Variants in CDH13 observed in about 807,000 individuals in gnomAD.
The protein encoded by CDH13 is cadherin 13.
In CDH13, 24 loss-of-function variants were observed where a neutral mutation model predicts 63.8. The ratio of observed to expected loss-of-function variants is 0.38; its 90% CI spans 0.27 to 0.53. The LOEUF (loss-of-function observed/expected upper bound fraction) is 0.53, where lower values mean the gene tolerates loss of function less well. CDH13 is among the 20% of genes least tolerant of loss of function. CDH13 has a pLI of 0.85. For synonymous variants in CDH13, 503 were observed against 355.3 expected, an observed-to-expected ratio of 1.42 and a Z score of -4.67; for missense variants, 1,049 against 903.1, an observed-to-expected ratio of 1.16 and a Z score of -2.07.
At chr16:83,399,660 T>A (rs2091938493) in intron 6 of CDH13, among the ~76,000 whole-genome samples, 1 of 152,194 alleles carries the variant, frequency 6.6e-6, no homozygotes, top group African/African-American at 2.4e-5. Context: ...GCCATGCAGC[T>A]TTCTCCTTGT....
intron 2 of CDH13, among the ~76,000 whole-genome samples, chr16:82,917,978 A>T (rs1370329469): frequency 6.6e-6 from 1 of 151,674 alleles, no homozygotes; most frequent in Non-Finnish European, 1.5e-5. Flanking sequence ...AGCATCCATG[A>T]CCCATCACAA....
At chr16:83,588,839 G>A (rs189878278) in intron 7 of CDH13, among the ~76,000 whole-genome samples, 16 of 152,354 alleles carry the variant, frequency 1.1e-4, no homozygotes, top group Admixed American at 5.9e-4. Context: ...AAGCTGGCAG[G>A]TGGGCGAGGA....
intron 4 of CDH13, among the ~76,000 whole-genome samples, chr16:83,216,427 T>TAAATATATATATATAA (rs1555513891): frequency 2.2e-5 from 1 of 45,056 alleles, no homozygotes; most frequent in Admixed American, 3.8e-4. Context: ...TATATATATA[T>TAAATATATATATATAA]ATATATATAT....
intron 1 of CDH13, among the ~76,000 whole-genome samples, chr16:82,761,013 C>CTTTTTTT (rs2034818823): frequency 2.3e-5 from 1 of 43,576 alleles, no homozygotes; most frequent in African/African-American, 6.4e-5. Flanking sequence ...ACATTTCTTT[C>CTTTTTTT]TTTCTTTTTT....
intron 5 of CDH13, among the ~76,000 whole-genome samples, chr16:83,266,257 A>G (rs1907611126): frequency 1.3e-5 from 2 of 152,118 alleles, no homozygotes; most frequent in Non-Finnish European, 2.9e-5. Context: ...TTGCCTTACC[A>G]TTTGTGCAGG....
At chr16:83,600,907 A>G (rs1041636603) in intron 7 of CDH13, among the ~76,000 whole-genome samples, 20 of 152,186 alleles carry the variant, frequency 1.3e-4, no homozygotes, top group African/African-American at 4.8e-4. Context: ...CTCTTAGGAT[A>G]TTGCCTTTGT....
intron 4 of CDH13, among the ~76,000 whole-genome samples, chr16:83,164,219 G>T (rs28671263): frequency 1.3e-5 from 2 of 151,882 alleles, no homozygotes; most frequent in Admixed American, 6.6e-5. Context: ...ACCTGTAGAA[G>T]TAGGCATGAT....
At chr16:82,851,359 C>T (rs2039474224) in intron 1 of CDH13, among the ~76,000 whole-genome samples, 1 of 150,436 alleles carries the variant, frequency 6.6e-6, no homozygotes, top group African/African-American at 2.4e-5. Flanking sequence ...TGCTTGAACC[C>T]TGGAGGCGGA....
Position 83,570,367 on chromosome 16 carries a change from C to T in CDH13, c.961-32087C>T, listed in dbSNP as rs536985912. 3.9e-5 allele frequency among the ~76,000 whole-genome samples: 6 copies of T among 152,256 alleles called. No individual in the cohort carries two copies. The South Asian group carries it at 1.2e-3, about 32-fold the overall frequency. Reference sequence around the variant, plus strand: ...CTCTCACACCTGGTCTCTGATGACACTTGTCTCGGATGTGACTCTGTGTCT... The same window carrying T: ...CTCTCACACCTGGTCTCTGATGACATTTGTCTCGGATGTGACTCTGTGTCT... On this transcript the variant is annotated intron_variant, in intron 7 of 13. Coordinates refer to ENST00000567109, the MANE Select transcript of CDH13 (RefSeq NM_001257.5).
chr16:83,540,243 C>G (rs2075274780), intron 7 of CDH13, among the ~76,000 whole-genome samples: 1 of 151,880 alleles, frequency 6.6e-6, no homozygotes, highest in South Asian at 2.1e-4. Context: ...ACTCAGTATA[C>G]CACTGGAGGC....
chr16:83,740,515 A>G (rs1911961410), intron 10 of CDH13, among the ~76,000 whole-genome samples: 2 of 152,156 alleles, frequency 1.3e-5, no homozygotes, highest in Admixed American at 6.5e-5. Flanking sequence ...GGCATGATAT[A>G]TATTACTTGT....
At chr16:83,629,528 A>C (rs974298783) in intron 8 of CDH13, among the ~76,000 whole-genome samples, 4 of 152,232 alleles carry the variant, frequency 2.6e-5, no homozygotes, top group African/African-American at 9.6e-5. Context: ...ACTTTATTAA[A>C]ATGAATGAAC....
chr16:82,963,893 G>A (rs143272314), intron 2 of CDH13, among the ~76,000 whole-genome samples: 68 of 152,260 alleles, frequency 4.5e-4, no homozygotes, highest in African/African-American at 1.4e-3. Flanking sequence ...AAGCCAGGTC[G>A]GAGAATAGAG....
intron 8 of CDH13, among the ~76,000 whole-genome samples, chr16:83,662,531 G>T (rs191545817): frequency 6.6e-6 from 1 of 152,220 alleles, no homozygotes; most frequent in African/African-American, 2.4e-5. Context: ...AAACAGTGCA[G>T]AATCGGGGCG....
intron 9 of CDH13, 116 bp from the exon 10 acceptor site, chr16:83,678,092 C>A: frequency 2.0e-6 from 2 of 1,022,824 alleles, no homozygotes; most frequent in Non-Finnish European, 2.9e-6. Context: ...GCCTCCAAAG[C>A]CCAGCTCCAT....
chr16:82,892,971 C>T (rs1017701059), intron 2 of CDH13, among the ~76,000 whole-genome samples: 1 of 152,130 alleles, frequency 6.6e-6, no homozygotes, highest in Admixed American at 6.5e-5. Context: ...AAAATTGTGA[C>T]CTGTGAACGG....
Position 82,795,388 on chromosome 16 carries a change from C to T in CDH13, c.46-62974C>T, listed in dbSNP as rs117334798. Among the ~76,000 whole-genome samples the T allele has an allele frequency of 2.8e-4, 43 of 152,262 alleles. No homozygotes were observed. In the East Asian group the frequency reaches 4.3e-3, roughly 15 times the overall value. ...AGGAGAGGCACAGCAAGGTGAGAAGCTTCAAAAGGCAGTCAGCCAATGCAT... is the reference window on the plus strand; with the variant it reads ...AGGAGAGGCACAGCAAGGTGAGAAGTTTCAAAAGGCAGTCAGCCAATGCAT... On this transcript the variant is annotated intron_variant, in intron 1 of 13. Transcript: ENST00000567109.
At chr16:83,685,454 G>A (rs1904297572) in intron 10 of CDH13, among the ~76,000 whole-genome samples, 1 of 152,126 alleles carries the variant, frequency 6.6e-6, no homozygotes, top group Non-Finnish European at 1.5e-5. Context: ...TGCTAGAGAA[G>A]AGCATATGGA....
chr16:83,360,060 C>G (rs1304387900), intron 6 of CDH13, among the ~76,000 whole-genome samples: 2 of 152,206 alleles, frequency 1.3e-5, no homozygotes, highest in Non-Finnish European at 2.9e-5. Context: ...GTTTATTTTA[C>G]TTAGCGTGTT....
Sources: gnomAD v4.1 joint callset for allele counts (sites outside exome capture counted in the v4.1 genomes callset) on GRCh38, gnomAD v4.1.1 for gene constraint, MANE v1.5 for transcripts, NCBI Gene and HGNC (gene_info 2026-07-23, HGNC 2026-07-21) for gene names.